The following RBFOX1 variants were observed in gnomAD, a reference collection of about 807,000 sequenced individuals.
RBFOX1 encodes the protein RNA binding fox-1 homolog 1, also known as RNA binding protein fox-1 homolog 1.
Under a neutral mutation model 57.7 loss-of-function variants are expected in RBFOX1, and 8 were observed. The ratio of observed to expected loss-of-function variants is 0.14; its 90% CI spans 0.08 to 0.25. The LOEUF (loss-of-function observed/expected upper bound fraction) is 0.25. RBFOX1 is among the 10% of genes least tolerant of loss of function. The pLI is 1.00. For missense variants in RBFOX1, 611 were observed against 548.5 expected, an observed-to-expected ratio of 1.11 and a Z score of -1.14; for synonymous variants, 326 against 222.4, an observed-to-expected ratio of 1.47 and a Z score of -4.15.
chr16:7,575,052 G>A (rs1418025366), intron 5 of RBFOX1, among the ~76,000 whole-genome samples: 2 of 151,768 alleles, frequency 1.3e-5, no homozygotes, highest in South Asian at 4.2e-4. Context: ...ATCTTATTTG[G>A]GGGGGGCTGT....
intron 3 of RBFOX1, among the ~76,000 whole-genome samples, chr16:6,962,308 T>C (rs1355142503): frequency 6.6e-6 from 1 of 152,256 alleles, no homozygotes; most frequent in Non-Finnish European, 1.5e-5. Flanking sequence ...CAGGACAATC[T>C]CATCTTGAGA....
At chr16:7,285,044 A>G (rs529441629) in intron 4 of RBFOX1, among the ~76,000 whole-genome samples, 8 of 135,596 alleles carry the variant, frequency 5.9e-5, no homozygotes, top group African/African-American at 2.2e-4. Flanking sequence ...CTCAGTCTCA[A>G]TCCAGCCCTT....
chr16:6,002,064 T>C (rs2060610227), intron 4 of RBFOX1, among the ~76,000 whole-genome samples: 1 of 151,724 alleles, frequency 6.6e-6, no homozygotes, highest in African/African-American at 2.4e-5. Flanking sequence ...TTCAAACTCT[T>C]GGGCTCAAGC....
chr16:6,875,878 A>T (rs1352642846), intron 3 of RBFOX1, among the ~76,000 whole-genome samples: 1 of 152,120 alleles, frequency 6.6e-6, no homozygotes, highest in Non-Finnish European at 1.5e-5. Context: ...CATGCGTGGA[A>T]TCCAGGCTAC....
rs567407860 is a variant in RBFOX1, at chr16:5,631,444, C to G, written c.318+32483C>G. Among the ~76,000 whole-genome samples, 306 of 152,066 alleles carry G rather than the reference C, an allele frequency of 2.0e-3. 1 individual carries two copies. The highest frequency in any genetic ancestry group is 6.8e-3 in the African/African-American group (284 of 41,474). ...TGGTGGCGGGTGCTTGTAGTCCCAG[C>G]TACTCGGGAGGCTGAGGCAGGAGAA... On this transcript the variant is annotated intron_variant, in intron 3 of 19. Coordinates refer to the RBFOX1 transcript ENST00000641259.
At chr16:7,704,391 T>C (rs2081755877) in intron 14 of RBFOX1, among the ~76,000 whole-genome samples, 1 of 152,182 alleles carries the variant, frequency 6.6e-6, no homozygotes, top group South Asian at 2.1e-4. Flanking sequence ...ATGTAAAAAG[T>C]GTACACTATT....
intron 4 of RBFOX1, among the ~76,000 whole-genome samples, chr16:7,139,168 ATC>A (rs144266030): frequency 2.2e-5 from 3 of 139,502 alleles, no homozygotes; most frequent in African/African-American, 8.2e-5. Context: ...GATGAAATCA[ATC>A]TCTCTCTGTG....
At chr16:6,180,629 G>A (rs2097055496) in intron 1 of RBFOX1, among the ~76,000 whole-genome samples, 2 of 150,748 alleles carry the variant, frequency 1.3e-5, no homozygotes, top group Admixed American at 6.6e-5. Context: ...GCAGTGTTAC[G>A]ATCTCGGCTC....
chr16:7,221,029 A>C (rs945307862), intron 4 of RBFOX1, among the ~76,000 whole-genome samples: 1 of 152,164 alleles, frequency 6.6e-6, no homozygotes, highest in Non-Finnish European at 1.5e-5. Context: ...AGTTTATCAG[A>C]TGTACTGTCT....
chr16:5,518,854 C>G (rs1022692032), intron 2 of RBFOX1, among the ~76,000 whole-genome samples: 5 of 152,148 alleles, frequency 3.3e-5, no homozygotes, highest in Non-Finnish European at 7.3e-5. Flanking sequence ...GAACCGCATC[C>G]CTATCCCCCT....
At chr16:7,127,144 C>A (rs570809274) in intron 4 of RBFOX1, among the ~76,000 whole-genome samples, 234 of 152,204 alleles carry the variant, frequency 1.5e-3, no homozygotes, top group African/African-American at 5.0e-3. Context: ...GTGTTCTACC[C>A]CTGACTGTGA....
At chr16:7,077,372 A>G (rs1044364790) in intron 4 of RBFOX1, among the ~76,000 whole-genome samples, 2 of 152,200 alleles carry the variant, frequency 1.3e-5, no homozygotes, top group African/African-American at 4.8e-5. Flanking sequence ...ATTTTCCTAC[A>G]AAAGTCAAAA....
intron 1 of RBFOX1, among the ~76,000 whole-genome samples, chr16:6,306,466 G>T (rs1319424948): frequency 6.6e-6 from 1 of 152,206 alleles, no homozygotes; most frequent in African/African-American, 2.4e-5. Context: ...TTACGTCAGA[G>T]GCATTTTTAT....
At chr16:6,987,406 A>G (rs940672394) in intron 3 of RBFOX1, among the ~76,000 whole-genome samples, 1 of 150,642 alleles carries the variant, frequency 6.6e-6, no homozygotes. Flanking sequence ...GGCCCAGGTT[A>G]TCTCCCGAGC....
At chr16:5,449,392 A>G (rs2068352240) in intron 1 of RBFOX1, among the ~76,000 whole-genome samples, 1 of 152,020 alleles carries the variant, frequency 6.6e-6, no homozygotes, top group Non-Finnish European at 1.5e-5. Context: ...TCTTTCCTTC[A>G]CAGTAGCACA....
intron 2 of RBFOX1, among the ~76,000 whole-genome samples, chr16:6,606,452 C>G (rs1169806952): frequency 6.6e-6 from 1 of 152,116 alleles, no homozygotes; most frequent in Non-Finnish European, 1.5e-5. Context: ...TTTGCTGCAC[C>G]TATCAACCCA....
intron 3 of RBFOX1, among the ~76,000 whole-genome samples, chr16:6,882,919 T>C (rs1010882236): frequency 6.6e-6 from 1 of 152,194 alleles, no homozygotes; most frequent in Admixed American, 6.5e-5. Context: ...AGTTATGAAT[T>C]GAATCAGGAT....
intron 2 of RBFOX1, among the ~76,000 whole-genome samples, chr16:6,398,882 C>G (rs1429247116): frequency 6.6e-6 from 1 of 152,224 alleles, no homozygotes; most frequent in Non-Finnish European, 1.5e-5. Context: ...TCCAGTGGGA[C>G]TCTGTCTGGG....
At chr16:5,981,700 C>T (rs1334263950) in intron 4 of RBFOX1, among the ~76,000 whole-genome samples, 4 of 152,122 alleles carry the variant, frequency 2.6e-5, no homozygotes, top group African/African-American at 9.7e-5. Context: ...AACTCCTGAC[C>T]TCGAGTGGTC....
Sources: allele counts gnomAD v4.1 joint callset (sites outside exome capture counted in the v4.1 genomes callset), GRCh38; gene constraint gnomAD v4.1.1; transcripts MANE v1.5; gene names NCBI Gene and HGNC (gene_info 2026-07-23, HGNC 2026-07-21).